The following FAT3 variants were observed in gnomAD, a reference collection of about 807,000 sequenced individuals.
FAT3 encodes the protein FAT atypical cadherin 3.
In FAT3, 95 loss-of-function variants were observed where a neutral mutation model predicts 310.2. That is an observed-to-expected ratio of 0.31 (90% confidence interval 0.26 to 0.36). The LOEUF (loss-of-function observed/expected upper bound fraction) is 0.36. Among genes scored for constraint, FAT3 ranks in the 10% least tolerant of loss-of-function variants. The pLI, the probability that FAT3 is intolerant of heterozygous loss-of-function variation, is 1.00. For synonymous variants in FAT3, 2,314 were observed against 2,192.9 expected, an observed-to-expected ratio of 1.06 and a Z score of -1.54; for missense variants, 5,408 against 5,715.6, an observed-to-expected ratio of 0.95 and a Z score of 1.74.
intron 2 of FAT3, among the ~76,000 whole-genome samples, chr11:92,464,384 G>A (rs1951709672): frequency 6.6e-6 from 1 of 152,208 alleles, no homozygotes; most frequent in Admixed American, 6.5e-5. Context: ...GAAGGCAGAT[G>A]TCATATTTCC....
At chr11:92,347,919 C>T (rs1458531318) in intron 1 of FAT3, among the ~76,000 whole-genome samples, 2 of 152,060 alleles carry the variant, frequency 1.3e-5, no homozygotes, top group African/African-American at 2.4e-5. Flanking sequence ...ATCATATTGG[C>T]TTCACAAATA....
intron 3 of FAT3, among the ~76,000 whole-genome samples, chr11:92,689,709 A>C (rs1189311304): frequency 6.6e-6 from 1 of 152,158 alleles, no homozygotes; most frequent in Non-Finnish European, 1.5e-5. Flanking sequence ...GCATGTACAC[A>C]GCATCTCTGG....
chr11:92,883,263 G>A lies in FAT3; in HGVS notation c.12807G>A (p.Glu4269=), dbSNP rs2136416739. The part of the protein sequence containing the change: ...EHQEMTTFHP[E]SPRILTARRG... ...AGGAAATGACCACGTTTCACCCTGA[G>A]TCGCCCCGCATCCTGACAGCCCGGC... Residue 4269 remains glutamate (E), a synonymous_variant, in exon 24 of 28, where the codon GAG becomes GAA. Transcript: ENST00000525166. The surrounding 1 kb of genome is among the most constrained non-coding windows in gnomAD (Gnocchi z 4.2). 3 of 1,612,858 alleles carry A rather than the reference G, an allele frequency of 1.9e-6. No homozygotes were observed. Among genetic ancestry groups the A allele is most frequent in the Non-Finnish European group, 2.5e-6 (3 of 1,179,842 alleles).
chr11:92,885,331 A>G (rs1439275624), intron 24 of FAT3, among the ~76,000 whole-genome samples: 1 of 152,168 alleles, frequency 6.6e-6, no homozygotes, highest in East Asian at 1.9e-4. Context: ...ACTCCCTTCA[A>G]TGGGTGAAAT....
intron 1 of FAT3, among the ~76,000 whole-genome samples, chr11:92,339,820 C>T (rs1459017885): frequency 6.6e-6 from 1 of 151,968 alleles, no homozygotes; most frequent in African/African-American, 2.4e-5. Context: ...ATAAGCCAAA[C>T]AGGAAGCCAG....
intron 3 of FAT3, among the ~76,000 whole-genome samples, chr11:92,542,831 T>G (rs187489602): frequency 6.6e-6 from 1 of 152,058 alleles, no homozygotes; most frequent in Non-Finnish European, 1.5e-5. Flanking sequence ...TGGATAGATA[T>G]CCAAGAGAAA....
chr11:92,735,209 A>T (rs1945305858), intron 4 of FAT3, among the ~76,000 whole-genome samples: 1 of 152,122 alleles, frequency 6.6e-6, no homozygotes, highest in Non-Finnish European at 1.5e-5. Flanking sequence ...TTTGCTTGAC[A>T]CTTTGGGAAG....
At chr11:92,300,959 G>A (rs1382482715) in intron 1 of FAT3, among the ~76,000 whole-genome samples, 1 of 152,120 alleles carries the variant, frequency 6.6e-6, no homozygotes, top group Non-Finnish European at 1.5e-5. Flanking sequence ...ATGGCAGCAG[G>A]GTGGCATTTA....
chr11:92,410,231 C>G (rs1297003874), intron 2 of FAT3, among the ~76,000 whole-genome samples: 1 of 151,866 alleles, frequency 6.6e-6, no homozygotes, highest in East Asian at 1.9e-4. Flanking sequence ...TTCTGCACTG[C>G]CTTTCTCACC....
At chr11:92,231,029 C>T (rs778523516) in intron 1 of FAT3, among the ~76,000 whole-genome samples, 1 of 152,164 alleles carries the variant, frequency 6.6e-6, no homozygotes, top group Non-Finnish European at 1.5e-5. Flanking sequence ...CCCAAATGGG[C>T]TGTCGGAATG....
chr11:92,445,965 T>G (rs1951198972), intron 2 of FAT3, among the ~76,000 whole-genome samples: 1 of 152,204 alleles, frequency 6.6e-6, no homozygotes, highest in Admixed American at 6.5e-5. Flanking sequence ...GCTAACAAAT[T>G]ATGTTCACAA....
intron 1 of FAT3, among the ~76,000 whole-genome samples, chr11:92,310,032 A>G (rs956888034): frequency 3.3e-5 from 5 of 151,740 alleles, no homozygotes; most frequent in African/African-American, 1.2e-4. Context: ...TGGAATGTCT[A>G]TTCACTTGTT....
At chr11:92,596,777 C>T (rs1480799115) in intron 3 of FAT3, among the ~76,000 whole-genome samples, 1 of 152,196 alleles carries the variant, frequency 6.6e-6, no homozygotes. Flanking sequence ...CTGCTTCTCT[C>T]AGTAAGGCCA....
At chr11:92,885,586 C>T (rs1420286349) in intron 24 of FAT3, among the ~76,000 whole-genome samples, 1 of 152,146 alleles carries the variant, frequency 6.6e-6, no homozygotes, top group East Asian at 1.9e-4. Context: ...GAATTTCAGC[C>T]ATAAATATAC....
intron 1 of FAT3, among the ~76,000 whole-genome samples, chr11:92,259,862 T>C (rs772170916): frequency 6.6e-6 from 1 of 152,142 alleles, no homozygotes; most frequent in African/African-American, 2.4e-5. Context: ...TTCAACCTGC[T>C]TTCATCTCCT....
intron 2 of FAT3, among the ~76,000 whole-genome samples, chr11:92,427,256 C>G (rs1027325409): frequency 1.3e-5 from 2 of 152,146 alleles, no homozygotes; most frequent in Non-Finnish European, 2.9e-5. Flanking sequence ...TGCTTATCAG[C>G]TTAAGGAGTT....
chr11:92,622,247 G>A (rs919526840), intron 3 of FAT3, among the ~76,000 whole-genome samples: 4 of 151,238 alleles, frequency 2.6e-5, no homozygotes, highest in African/African-American at 4.9e-5. Flanking sequence ...TCATGCCACT[G>A]GACTCCAGCA....
chr11:92,644,636 T>C (rs1461722783), intron 3 of FAT3, among the ~76,000 whole-genome samples: 1 of 152,212 alleles, frequency 6.6e-6, no homozygotes, highest in East Asian at 1.9e-4. Flanking sequence ...CCCCTTTGCT[T>C]TGCAATACAG....
chr11:92,843,743 A>C (rs1386923244), intron 18 of FAT3, among the ~76,000 whole-genome samples, 191 bp from the exon 19 acceptor site: 1 of 152,196 alleles, frequency 6.6e-6, no homozygotes, highest in East Asian at 1.9e-4. Flanking sequence ...CAGAGTGTAC[A>C]TATGGGGATA....
Sources: allele counts gnomAD v4.1 joint callset (sites outside exome capture counted in the v4.1 genomes callset), GRCh38; gene constraint gnomAD v4.1.1; non-coding constraint Gnocchi (gnomAD v3.1); transcripts MANE v1.5; gene names NCBI Gene and HGNC (gene_info 2026-07-23, HGNC 2026-07-21).